BMPER: variants seen among roughly 807,000 people sequenced by gnomAD.
BMPER encodes the protein BMP-binding endothelial regulator protein.
BMPER carries 45 observed loss-of-function variants against 87.3 expected under a neutral mutation model. That is an observed-to-expected ratio of 0.52 (90% CI 0.41 to 0.66). The LOEUF is 0.66. BMPER is among the 30% of genes least tolerant of loss of function. BMPER has a pLI of 0.00. For synonymous variants in BMPER, 326 were observed against 316.2 expected, an observed-to-expected ratio of 1.03 and a Z score of -0.33; for missense variants, 784 against 867.5, an observed-to-expected ratio of 0.90 and a Z score of 1.21.
intron 3 of BMPER, among the ~76,000 whole-genome samples, chr7:33,955,905 T>A (rs1785136407): frequency 6.6e-6 from 1 of 152,104 alleles, no homozygotes; most frequent in African/African-American, 2.4e-5. Flanking sequence ...GAACCTGGAC[T>A]AAGACAGAAA....
chr7:34,022,642 A>AATTTAGAT (rs1382775949), intron 6 of BMPER, among the ~76,000 whole-genome samples: 1 of 151,352 alleles, frequency 6.6e-6, no homozygotes, highest in African/African-American at 2.4e-5. Flanking sequence ...CTGCGAGGTT[A>AATTTAGAT]ATTTAGATTT....
chr7:34,074,435 C>G (rs1264119337), intron 11 of BMPER, among the ~76,000 whole-genome samples: 2 of 152,212 alleles, frequency 1.3e-5, no homozygotes, highest in Non-Finnish European at 2.9e-5. Context: ...CAGCCTCTTT[C>G]TATCAGAGGC....
chr7:33,959,031 G>A (rs1273759387), intron 3 of BMPER, among the ~76,000 whole-genome samples: 2 of 152,142 alleles, frequency 1.3e-5, no homozygotes, highest in African/African-American at 4.8e-5. Flanking sequence ...GCCGCCATGT[G>A]AGAAGTCCTT....
chr7:34,090,177 A>G (rs1403472768), intron 13 of BMPER, among the ~76,000 whole-genome samples: 1 of 152,236 alleles, frequency 6.6e-6, no homozygotes, highest in African/African-American at 2.4e-5. Context: ...CTCAAATTAG[A>G]TAACCCTCTT....
chr7:34,054,581 G>T (rs896086829), intron 8 of BMPER, among the ~76,000 whole-genome samples: 2 of 152,140 alleles, frequency 1.3e-5, no homozygotes, highest in Admixed American at 6.5e-5. Context: ...TGGGTAAGTG[G>T]CCTGGTCAAA....
intron 2 of BMPER, among the ~76,000 whole-genome samples, chr7:33,929,046 A>G (rs1447574742): frequency 6.6e-6 from 1 of 152,104 alleles, no homozygotes; most frequent in Non-Finnish European, 1.5e-5. Flanking sequence ...TTGCAAAATA[A>G]TCGGGGGGCC....
At chr7:34,040,677 G>A (rs888516492) in intron 6 of BMPER, among the ~76,000 whole-genome samples, 3 of 152,312 alleles carry the variant, frequency 2.0e-5, no homozygotes, top group South Asian at 4.1e-4. Context: ...CAACTGAGTG[G>A]AAGAGGTGAG....
At chr7:34,083,411 G>T (rs11974029) in intron 12 of BMPER, among the ~76,000 whole-genome samples, 1 of 152,042 alleles carries the variant, frequency 6.6e-6, no homozygotes, top group Non-Finnish European at 1.5e-5. Context: ...ATCTAAGTCT[G>T]TTTAATTTCT....
chr7:33,965,281 T>C (rs192752477), intron 3 of BMPER, among the ~76,000 whole-genome samples: 17 of 152,366 alleles, frequency 1.1e-4, no homozygotes, highest in African/African-American at 4.1e-4. Context: ...ACTGAGCCCT[T>C]TTCAATCATT....
Position 34,085,974 on chromosome 7 carries a change from C to A in BMPER, c.1627C>A (p.Pro543Thr). The A allele has an allele frequency of 6.2e-7, 1 of 1,614,104 alleles. No homozygotes were observed. The highest frequency in any genetic ancestry group is 1.3e-5 in the African/African-American group (1 of 75,008). ...CAACAGACCTCAGAGAAAGCCAGTG[C>A]CTGAACTGTGTCAAGGGACAGTCAA... Reference protein sequence around the residue: ...FCNRPQRKPVPELCQGTVKVK... With the variant: ...FCNRPQRKPVTELCQGTVKVK... Residue 543 changes from proline to threonine, a missense_variant, in exon 13 of 15, where the codon CCT (proline) becomes ACT (threonine). Physicochemically the swap from Pro to Thr is conservative, Grantham distance 38 (BLOSUM62 -1). Coordinates refer to ENST00000649409, the MANE Select transcript of BMPER (RefSeq NM_001365308.1).
chr7:34,113,173 G>A (rs1195718909), intron 13 of BMPER, among the ~76,000 whole-genome samples: 1 of 151,682 alleles, frequency 6.6e-6, no homozygotes, highest in African/African-American at 2.4e-5. Flanking sequence ...GTAAAAATTG[G>A]TTTCTCATTT....
chr7:33,919,411 A>G (rs1363616435), intron 2 of BMPER, among the ~76,000 whole-genome samples: 1 of 152,230 alleles, frequency 6.6e-6, no homozygotes, highest in East Asian at 1.9e-4. Flanking sequence ...CACTGGGTTC[A>G]TAAACTAAAG....
intron 6 of BMPER, among the ~76,000 whole-genome samples, chr7:34,002,844 A>G (rs758939372): frequency 3.3e-5 from 5 of 151,668 alleles, no homozygotes; most frequent in Non-Finnish European, 7.4e-5. Context: ...TCTTTCAGTT[A>G]CTTTGCATAG....
intron 6 of BMPER, among the ~76,000 whole-genome samples, chr7:34,002,125 T>C (rs1245010835): frequency 2.0e-5 from 3 of 151,528 alleles, no homozygotes; most frequent in African/African-American, 7.3e-5. Flanking sequence ...TTGAGAAGAG[T>C]GTGTATTTTG....
At chr7:34,133,927 G>A (rs1022284567) in intron 13 of BMPER, among the ~76,000 whole-genome samples, 3 of 152,110 alleles carry the variant, frequency 2.0e-5, no homozygotes, top group African/African-American at 7.2e-5. Context: ...TTAGGTGAAG[G>A]ATTCCGACTC....
At chr7:34,084,439 G>C (rs1789144227) in intron 12 of BMPER, among the ~76,000 whole-genome samples, 1 of 152,164 alleles carries the variant, frequency 6.6e-6, no homozygotes, top group Non-Finnish European at 1.5e-5. Flanking sequence ...AATACACCTT[G>C]ATCCACTGTA....
chr7:33,934,600 C>T (rs546363158), intron 2 of BMPER, among the ~76,000 whole-genome samples: 29 of 151,584 alleles, frequency 1.9e-4, no homozygotes, highest in Non-Finnish European at 3.7e-4. Context: ...TAATTACAAA[C>T]TATTTATTAT....
At chr7:33,964,872 C>T (rs759986636) in intron 3 of BMPER, among the ~76,000 whole-genome samples, 1 of 152,162 alleles carries the variant, frequency 6.6e-6, no homozygotes, top group Non-Finnish European at 1.5e-5. Context: ...ACTTGGCAGG[C>T]GTTTCATATT....
intron 13 of BMPER, among the ~76,000 whole-genome samples, chr7:34,139,860 T>C (rs529119695): frequency 6.6e-6 from 1 of 152,342 alleles, no homozygotes; most frequent in African/African-American, 2.4e-5. Context: ...ATTTAGGTTA[T>C]TTCCCTTTTC....
Sources: allele counts gnomAD v4.1 joint callset (sites outside exome capture counted in the v4.1 genomes callset), GRCh38; gene constraint gnomAD v4.1.1; transcripts MANE v1.5; gene names NCBI Gene and HGNC (gene_info 2026-07-23, HGNC 2026-07-21).